The following SEMA6D variants were observed in gnomAD, a reference collection of about 807,000 sequenced individuals.
SEMA6D encodes semaphorin 6D, also known as semaphorin-6D.
Under a neutral mutation model 106.6 loss-of-function variants are expected in SEMA6D, and 35 were observed. The observed-to-expected ratio is 0.33, with a 90% CI of 0.25 to 0.44. The LOEUF (loss-of-function observed/expected upper bound fraction) is 0.44, where lower values mean the gene tolerates loss of function less well. Among genes scored for constraint, SEMA6D ranks in the 20% least tolerant of loss-of-function variants. The probability of loss-of-function intolerance (pLI) is 1.00; values close to 1 mark genes in which losing one functional copy is unlikely to be tolerated. For synonymous variants in SEMA6D, 499 were observed against 487.7 expected, an observed-to-expected ratio of 1.02 and a Z score of -0.31; for missense variants, 1,185 against 1,345.9, an observed-to-expected ratio of 0.88 and a Z score of 1.87.
intron 1 of SEMA6D, among the ~76,000 whole-genome samples, chr15:47,305,640 A>AT (rs2036203617): frequency 6.6e-6 from 1 of 152,164 alleles, no homozygotes; most frequent in East Asian, 1.9e-4. Flanking sequence ...TTAAGGTAGT[A>AT]TTTTTTTCTT....
intron 1 of SEMA6D, among the ~76,000 whole-genome samples, chr15:47,213,939 A>G (rs2030310012): frequency 6.6e-6 from 1 of 150,972 alleles, no homozygotes; most frequent in South Asian, 2.2e-4. Flanking sequence ...TCCATTCTTC[A>G]TTTACGTTTT....
In SEMA6D at chr15:47,770,885, T is replaced by A; in HGVS notation, c.2322T>A (p.Pro774=). The change falls in exon 19 of 19, where the codon CCT becomes CCA. Residue 774 remains proline, a synonymous_variant. Transcript: ENST00000536845. ...QPPELAALPT[P]ESTPVLHQKT... ...CAGAGTTGGCTGCTCTTCCTACTCC[T>A]GAGTCTACACCCGTGCTTCACCAGA... The A allele has an allele frequency of 6.2e-7, 1 of 1,613,408 alleles. No individual in the cohort carries two copies. Among genetic ancestry groups the A allele is most frequent in the Non-Finnish European group, 8.5e-7 (1 of 1,179,804 alleles).
At chr15:47,521,107 C>T (rs2044558055) in intron 3 of SEMA6D, among the ~76,000 whole-genome samples, 1 of 152,118 alleles carries the variant, frequency 6.6e-6, no homozygotes, top group Non-Finnish European at 1.5e-5. Context: ...GGCAGTTGTG[C>T]CCTTCACAGC....
intron 3 of SEMA6D, among the ~76,000 whole-genome samples, chr15:47,503,130 A>G (rs2043910454): frequency 6.6e-6 from 1 of 152,222 alleles, no homozygotes; most frequent in Non-Finnish European, 1.5e-5. Flanking sequence ...CTCAAATTGT[A>G]TGTTAGATGT....
intron 1 of SEMA6D, among the ~76,000 whole-genome samples, chr15:47,325,740 A>G (rs1373173611): frequency 6.6e-6 from 1 of 152,148 alleles, no homozygotes; most frequent in Non-Finnish European, 1.5e-5. Flanking sequence ...TCCTCCTTGC[A>G]TATCCTCTTT....
intron 1 of SEMA6D, chr15:47,730,126 C>G: frequency 9.5e-7 from 1 of 1,052,420 alleles, no homozygotes; most frequent in Non-Finnish European, 1.5e-6. Flanking sequence ...GTACAGAAAA[C>G]TCAACAGTGT....
intron 1 of SEMA6D, among the ~76,000 whole-genome samples, chr15:47,362,990 C>G (rs922080865): frequency 2.0e-5 from 3 of 152,060 alleles, no homozygotes; most frequent in African/African-American, 7.2e-5. Flanking sequence ...AACACTGCTG[C>G]CCTTTATAGC....
intron 3 of SEMA6D, among the ~76,000 whole-genome samples, chr15:47,496,302 A>G (rs1255527155): frequency 1.3e-5 from 2 of 152,034 alleles, no homozygotes; most frequent in African/African-American, 4.8e-5. Flanking sequence ...CCATTCAACC[A>G]CTGACTCACA....
chr15:47,685,395 C>G (rs1746349333), intron 4 of SEMA6D, among the ~76,000 whole-genome samples: 1 of 152,122 alleles, frequency 6.6e-6, no homozygotes. Flanking sequence ...AGGGACATCA[C>G]CAAGTTAGCC....
intron 1 of SEMA6D, among the ~76,000 whole-genome samples, chr15:47,352,585 T>C (rs2038367664): frequency 6.6e-6 from 1 of 152,208 alleles, no homozygotes; most frequent in Admixed American, 6.5e-5. Flanking sequence ...GAACTTTCTA[T>C]TCTGGATCAA....
chr15:47,658,239 GTATCC>G (rs1207224202), intron 4 of SEMA6D, among the ~76,000 whole-genome samples: 1 of 151,894 alleles, frequency 6.6e-6, no homozygotes, highest in Non-Finnish European at 1.5e-5. Context: ...TTCTTACATT[GTATCC>G]TTTGAACAAC....
At chr15:47,508,363 C>T (rs780905575) in intron 3 of SEMA6D, among the ~76,000 whole-genome samples, 44 of 152,120 alleles carry the variant, frequency 2.9e-4, no homozygotes, top group African/African-American at 8.2e-4. Flanking sequence ...GCAAAATGTT[C>T]AGTATGGTTT....
At chr15:47,402,122 G>A (rs1238635112) in intron 1 of SEMA6D, among the ~76,000 whole-genome samples, 1 of 152,156 alleles carries the variant, frequency 6.6e-6, no homozygotes, top group Non-Finnish European at 1.5e-5. Context: ...CACTAGCCAT[G>A]TGTGTTAATG....
At chr15:47,250,657 T>C (rs747850256) in intron 1 of SEMA6D, among the ~76,000 whole-genome samples, 4 of 152,214 alleles carry the variant, frequency 2.6e-5, no homozygotes, top group Non-Finnish European at 4.4e-5. Flanking sequence ...CTGAATGTTA[T>C]CTTTAAGAAG....
intron 3 of SEMA6D, among the ~76,000 whole-genome samples, chr15:47,517,308 T>C (rs1006766827): frequency 1.3e-5 from 2 of 152,106 alleles, no homozygotes; most frequent in African/African-American, 4.8e-5. Flanking sequence ...ATTCTCAGAC[T>C]AGAAGGCAGA....
At chr15:47,733,014 T>C (rs1357653641) in intron 1 of SEMA6D, among the ~76,000 whole-genome samples, 1 of 152,236 alleles carries the variant, frequency 6.6e-6, no homozygotes, top group Non-Finnish European at 1.5e-5. Flanking sequence ...ACACAGATGC[T>C]AACTCGATTC....
At chr15:47,478,977 C>T (rs1053257717) in intron 3 of SEMA6D, among the ~76,000 whole-genome samples, 4 of 152,030 alleles carry the variant, frequency 2.6e-5, no homozygotes, top group African/African-American at 9.7e-5. Context: ...CTCCCGAGAA[C>T]AGCATGTGAA....
intron 2 of SEMA6D, among the ~76,000 whole-genome samples, chr15:47,413,794 T>C (rs2040874421): frequency 6.6e-6 from 1 of 152,164 alleles, no homozygotes; most frequent in South Asian, 2.1e-4. Context: ...CTAATATAGT[T>C]TCTATATATT....
At chr15:47,224,195 T>A (rs8043006) in intron 1 of SEMA6D, among the ~76,000 whole-genome samples, 4,818 of 149,320 alleles carry the variant, frequency 0.032, 246 homozygotes, top group African/African-American at 0.11. Flanking sequence ...AAATTAAATT[T>A]AAAAAAAAAA....
Sources: gnomAD v4.1 joint callset for allele counts (sites outside exome capture counted in the v4.1 genomes callset) on GRCh38, gnomAD v4.1.1 for gene constraint, MANE v1.5 for transcripts, NCBI Gene and HGNC (gene_info 2026-07-23, HGNC 2026-07-21) for gene names.